AP1M1: variants seen among roughly 807,000 people sequenced by gnomAD.
AP1M1 encodes the protein adaptor related protein complex 1 subunit mu 1.
AP1M1 carries 18 observed loss-of-function variants against 57.1 expected under a neutral mutation model. The ratio of observed to expected loss-of-function variants is 0.32; its 90% CI spans 0.22 to 0.47. The LOEUF (loss-of-function observed/expected upper bound fraction) is 0.47, where lower values mean the gene tolerates loss of function less well. Ranked by LOEUF, AP1M1 falls within the 20% of genes least tolerant of loss-of-function variation. The probability of loss-of-function intolerance (pLI) is 1.00; values close to 1 mark genes in which losing one functional copy is unlikely to be tolerated. For missense variants in AP1M1, 362 were observed against 593.5 expected (o/e 0.61, Z 4.05); for synonymous variants, 241 against 237.9 (o/e 1.01, Z -0.12).
chr19:16,206,459 C>T lies in AP1M1; in HGVS notation c.267+51C>T. On this transcript the variant is annotated intron_variant, in intron 3 of 11. Transcript: ENST00000291439. The surrounding 1 kb of genome is among the most constrained non-coding windows in gnomAD (Gnocchi z 4.3). ...GGCTTGGGTGGAGGTTGTCTTGGCT[C>T]TGCTTGTGGACCTCCCCATACCTGG... The T allele has an allele frequency of 1.3e-6, 2 of 1,596,396 alleles. No homozygotes were observed. The highest frequency in any genetic ancestry group is 1.7e-6 in the Non-Finnish European group (2 of 1,164,670).
intron 5 of AP1M1, among the ~76,000 whole-genome samples, chr19:16,224,104 A>G (rs2091558627): frequency 6.6e-6 from 1 of 152,238 alleles, no homozygotes; most frequent in Non-Finnish European, 1.5e-5. Flanking sequence ...TGCCAAGGAG[A>G]GTGCTGCCCA....
At chr19:16,225,402 C>T (rs1321670664) in intron 5 of AP1M1, among the ~76,000 whole-genome samples, 1 of 80,510 alleles carries the variant, frequency 1.2e-5, no homozygotes, top group Non-Finnish European at 4.1e-5. Context: ...CAGTGGTGGC[C>T]AGGGCTGCAG....
chr19:16,239,159 C>A lies in AP1M1; in HGVS notation c.*4724C>A, dbSNP rs539153317. ...TGTTGGTCAGGCTGGTCTCGAACTC[C>A]CGGCTTCAGGTGATCCGCCCCCCTC... On this transcript the variant is annotated 3_prime_UTR_variant, in exon 12 of 12. Coordinates refer to ENST00000291439, the MANE Select transcript of AP1M1 (RefSeq NM_032493.4). 1.4e-4 allele frequency: 21 copies of A among 149,374 alleles called. No individual in the cohort carries two copies. The highest frequency in any genetic ancestry group is 4.4e-4 in the African/African-American group (18 of 40,578). The allele number at this position is 149,374 out of a possible 1,614,324, so 9.3% of individuals were successfully genotyped here. A position where few individuals can be genotyped will look rare whatever the true frequency, so the allele number is the denominator to read the frequency against.
chr19:16,218,491 T>A lies in AP1M1; in HGVS notation c.547-7930T>A, dbSNP rs190740777. Among the ~76,000 whole-genome samples, 16 of 152,266 alleles carry A rather than the reference T, an allele frequency of 1.1e-4. No homozygotes were observed. In the East Asian group the frequency reaches 2.7e-3, roughly 26 times the overall value. On this transcript the variant is annotated intron_variant, in intron 5 of 11. Coordinates refer to ENST00000291439, the MANE Select transcript of AP1M1 (RefSeq NM_032493.4). ...GGAGTCACTGGGAGCCAGGAATGAT[T>A]CCTGGTGCACAGTAGCCCTGTGCAG...
In AP1M1 at chr19:16,227,492, G is replaced by T; in HGVS notation, c.674-56G>T. On this transcript the variant is annotated intron_variant, in intron 6 of 11. Transcript: ENST00000291439. This position sits in a 1 kb window ranked among gnomAD's most constrained non-coding sequence, Gnocchi z 6.2. The stretch of plus-strand genomic sequence containing the variant: ...GTGGGTTGCAGGTGGTAGGAGTACT[G>T]CTGAGATAGTGACCCGGAGGGCCCA... The T allele has an allele frequency of 1.3e-6, 2 of 1,587,922 alleles. No individual in the cohort carries two copies. The highest frequency in any genetic ancestry group is 1.7e-6 in the Non-Finnish European group (2 of 1,160,020).
At position 16,228,163 on chromosome 19, in the gene AP1M1, G is replaced by A. The variant is rs371478159; in HGVS notation, c.843G>A (p.Ser281=). Residue 281 remains serine, a synonymous_variant, in exon 8 of 12, where the codon TCG becomes TCA. Coordinates refer to ENST00000291439, the MANE Select transcript of AP1M1 (RefSeq NM_032493.4). This position sits in a 1 kb window ranked among gnomAD's most constrained non-coding sequence, Gnocchi z 5.0. ...TCAAGCCTTTGATATGGATCGAGTCGGTGATCGAGAAGCACTCCCACAGCC... is the reference window on the plus strand; with the variant it reads ...TCAAGCCTTTGATATGGATCGAGTCAGTGATCGAGAAGCACTCCCACAGCC... ...THVKPLIWIE[S]VIEKHSHSRI... 1.2e-5 allele frequency: 20 copies of A among 1,613,686 alleles called. No individual in the cohort carries two copies. The highest frequency in any genetic ancestry group is 1.3e-5 in the African/African-American group (1 of 74,922).
Position 16,209,375 on chromosome 19 carries a change from G to A in AP1M1, c.546+198G>A, listed in dbSNP as rs567691408. On this transcript the variant is annotated intron_variant, in intron 5 of 11. Coordinates refer to ENST00000291439, the MANE Select transcript of AP1M1 (RefSeq NM_032493.4). Reference sequence around the variant, plus strand: ...AGACGGAATCTCATTCTGTCGCCCAGGCTAGAGTGTGGTGACACGATCTCG... The same window carrying A: ...AGACGGAATCTCATTCTGTCGCCCAAGCTAGAGTGTGGTGACACGATCTCG... 7 of 548,520 alleles carry A rather than the reference G, an allele frequency of 1.3e-5. No individual in the cohort carries two copies. In the Admixed American group the frequency reaches 2.4e-4, roughly 19 times the overall value. The allele number at this position is 548,520 out of a possible 1,614,324, so 34.0% of individuals were successfully genotyped here.
At position 16,206,606 on chromosome 19, in the gene AP1M1, C is replaced by G; in HGVS notation, c.267+198C>G. 1.7e-6 allele frequency: 1 copy of G among 572,198 alleles called. No individual in the cohort carries two copies. Among genetic ancestry groups the G allele is most frequent in the South Asian group, 1.9e-5 (1 of 52,206 alleles). 35.4% of individuals were successfully genotyped at this position (572,198 alleles called of 1,614,324 possible). Reference sequence around the variant, plus strand: ...TCTATAGCTCACGTTGCTCCCCTACCGTGGGGAAGAAAGGAAAGTGAACAG... The same window carrying G: ...TCTATAGCTCACGTTGCTCCCCTACGGTGGGGAAGAAAGGAAAGTGAACAG... On this transcript the variant is annotated intron_variant, in intron 3 of 11. Coordinates refer to ENST00000291439, the MANE Select transcript of AP1M1 (RefSeq NM_032493.4). This position sits in a 1 kb window ranked among gnomAD's most constrained non-coding sequence, Gnocchi z 4.3.
chr19:16,234,705 G>A lies in AP1M1; in HGVS notation c.*270G>A, dbSNP rs1298417354. On this transcript the variant is annotated 3_prime_UTR_variant, in exon 12 of 12. Coordinates refer to ENST00000291439, the MANE Select transcript of AP1M1 (RefSeq NM_032493.4). The stretch of plus-strand genomic sequence containing the variant: ...GGGGAAGGATGTGAAATTTTTCCGT[G>A]TAGAGGTTACAGCCTTTTATGCTGT... 1.7e-6 allele frequency: 1 copy of A among 580,792 alleles called. No individual in the cohort carries two copies. Among genetic ancestry groups the A allele is most frequent in the Non-Finnish European group, 3.1e-6 (1 of 324,916 alleles). 36.0% of individuals were successfully genotyped at this position (580,792 alleles called of 1,614,324 possible).
chr19:16,201,909 G>A (rs2091449613), intron 1 of AP1M1, among the ~76,000 whole-genome samples: 2 of 152,188 alleles, frequency 1.3e-5, no homozygotes, highest in Admixed American at 6.5e-5. Flanking sequence ...TGGGAGCCAT[G>A]GGGACGGGCT....
rs149668778 is a variant in AP1M1 at position 16,226,432 on chromosome 19, C to T, written c.558C>T (p.Asn186=). 3.5e-5 allele frequency: 54 copies of T among 1,545,332 alleles called. 1 individual carries two copies. The African/African-American group carries it at 5.0e-4, about 14-fold the overall frequency. Residue 186 remains asparagine, a synonymous_variant, in exon 6 of 12, where the codon AAC becomes AAT. Coordinates refer to ENST00000291439, the MANE Select transcript of AP1M1 (RefSeq NM_032493.4). The part of the protein sequence containing the change: ...IESVNLLVSA[N]GNVLRSEIVG... ...ACCGCCACCCCCAGGTCAGCGCCAA[C>T]GGCAATGTCCTGCGCAGCGAGATCG...
Position 16,206,891 on chromosome 19 carries a change from G to C in AP1M1, c.267+483G>C, listed in dbSNP as rs556961829. Among the ~76,000 whole-genome samples the C allele has an allele frequency of 2.6e-4, 39 of 152,316 alleles. No homozygotes were observed. Among genetic ancestry groups the C allele is most frequent in the African/African-American group, 7.9e-4 (33 of 41,580 alleles). On this transcript the variant is annotated intron_variant, in intron 3 of 11. Coordinates refer to ENST00000291439, the MANE Select transcript of AP1M1 (RefSeq NM_032493.4). The surrounding 1 kb of genome is among the most constrained non-coding windows in gnomAD (Gnocchi z 4.3). ...AGCCAGGGTGAAGGCGCCAGGACAG[G>C]TGTATGTGTGGTGCAGCTAGGGAGG...
chr19:16,230,019 G>C (rs952333909), intron 9 of AP1M1, among the ~76,000 whole-genome samples: 3 of 152,158 alleles, frequency 2.0e-5, no homozygotes, highest in African/African-American at 7.2e-5. Context: ...TGAAAATAGT[G>C]TTTATCATTT....
chr19:16,234,707 A>G lies in AP1M1; in HGVS notation c.*272A>G. On this transcript the variant is annotated 3_prime_UTR_variant, in exon 12 of 12. Coordinates refer to ENST00000291439, the MANE Select transcript of AP1M1 (RefSeq NM_032493.4). ...GGAAGGATGTGAAATTTTTCCGTGT[A>G]GAGGTTACAGCCTTTTATGCTGTTG... The G allele has an allele frequency of 1.7e-6, 1 of 579,358 alleles. No individual in the cohort carries two copies. The highest frequency in any genetic ancestry group is 3.1e-6 in the Non-Finnish European group (1 of 323,852). The allele number at this position is 579,358 out of a possible 1,614,324, so 35.9% of individuals were successfully genotyped here. A position where few individuals can be genotyped will look rare whatever the true frequency, so the allele number is the denominator to read the frequency against.
intron 6 of AP1M1, 189 bp downstream of exon 6, chr19:16,226,736 G>A (rs2091572879): frequency 1.3e-6 from 1 of 749,158 alleles, no homozygotes; most frequent in Non-Finnish European, 2.0e-6. Context: ...AGGTGCAGGG[G>A]AGTGAAGATC....
At chr19:16,216,386 A>T (rs1414753984) in intron 5 of AP1M1, among the ~76,000 whole-genome samples, 1 of 151,876 alleles carries the variant, frequency 6.6e-6, no homozygotes, top group East Asian at 1.9e-4. Context: ...CGGAGCTTGC[A>T]GTGAGCCGAG....
chr19:16,214,215 A>AT (rs965205279), intron 5 of AP1M1, among the ~76,000 whole-genome samples: 36 of 148,692 alleles, frequency 2.4e-4, no homozygotes, highest in East Asian at 6.0e-4. Flanking sequence ...TGCCCAGCTA[A>AT]TTTTTTTTTG....
At chr19:16,221,735 A>C (rs1362782463) in intron 5 of AP1M1, among the ~76,000 whole-genome samples, 1 of 152,250 alleles carries the variant, frequency 6.6e-6, no homozygotes, top group Non-Finnish European at 1.5e-5. Flanking sequence ...CTTATGATTT[A>C]TTCTTTAGTG....
In AP1M1 at chr19:16,206,211, G is replaced by C. The variant is rs565744412; in HGVS notation, c.200-130G>C. The C allele has an allele frequency of 1.4e-5, 13 of 928,692 alleles. No homozygotes were observed. The African/African-American group carries it at 2.1e-4, about 15-fold the overall frequency. 57.5% of individuals were successfully genotyped at this position (928,692 alleles called of 1,614,324 possible). A position where few individuals can be genotyped will look rare whatever the true frequency, so the allele number is the denominator to read the frequency against. ...AGCTTTGTAGCCCACCATGGGCCAA[G>C]TAAACGGCTGGGAGTGGGGATAGGG... On this transcript the variant is annotated intron_variant, in intron 2 of 11. Coordinates refer to ENST00000291439, the MANE Select transcript of AP1M1 (RefSeq NM_032493.4). The surrounding 1 kb of genome is among the most constrained non-coding windows in gnomAD (Gnocchi z 4.3).
Sources: gnomAD v4.1 joint callset for allele counts (sites outside exome capture counted in the v4.1 genomes callset) on GRCh38, gnomAD v4.1.1 for gene constraint, Gnocchi (gnomAD v3.1) non-coding constraint, MANE v1.5 for transcripts, NCBI Gene and HGNC (gene_info 2026-07-23, HGNC 2026-07-21) for gene names.